Variants in PLXNA4 observed in about 807,000 individuals in gnomAD.
The protein encoded by PLXNA4 is plexin-A4.
PLXNA4 carries 44 observed loss-of-function variants against 191.8 expected under a neutral mutation model. The ratio of observed to expected loss-of-function variants is 0.23; its 90% confidence interval spans 0.18 to 0.29. The LOEUF (loss-of-function observed/expected upper bound fraction) is 0.29, where lower values mean the gene tolerates loss of function less well. Ranked by LOEUF, PLXNA4 falls within the 10% of genes least tolerant of loss-of-function variation. The probability of loss-of-function intolerance (pLI) is 1.00; values close to 1 mark genes in which losing one functional copy is unlikely to be tolerated. For missense variants in PLXNA4, 1,800 were observed against 2,488.8 expected (o/e 0.72, Z 5.89); for synonymous variants, 1,082 against 1,009.5 (o/e 1.07, Z -1.36).
At chr7:132,609,764 C>T (rs950071365) in intron 2 of PLXNA4, among the ~76,000 whole-genome samples, 4 of 152,192 alleles carry the variant, frequency 2.6e-5, no homozygotes, top group Non-Finnish European at 5.9e-5. Context: ...AAGTTCTTCC[C>T]GCTACACTGG....
intron 3 of PLXNA4, among the ~76,000 whole-genome samples, chr7:132,359,550 AT>A (rs1317506948): frequency 2.6e-5 from 4 of 152,182 alleles, no homozygotes; most frequent in African/African-American, 7.2e-5. Flanking sequence ...TGTTCACTTC[AT>A]TTGACTGTGG....
chr7:132,174,403 G>A (rs80172977), intron 21 of PLXNA4, among the ~76,000 whole-genome samples: 4,087 of 152,212 alleles, frequency 0.027, 79 homozygotes, highest in Middle Eastern at 0.065. Context: ...TACCAACTAC[G>A]TGAGTCAAAT....
intron 4 of PLXNA4, among the ~76,000 whole-genome samples, chr7:132,273,401 A>G (rs564920922): frequency 5.3e-4 from 80 of 152,224 alleles, no homozygotes; most frequent in African/African-American, 1.8e-3. Flanking sequence ...CTCCAGAATC[A>G]TATTATAGGC....
At chr7:132,419,069 G>A (rs1481329943) in intron 3 of PLXNA4, among the ~76,000 whole-genome samples, 3 of 152,238 alleles carry the variant, frequency 2.0e-5, no homozygotes, top group Admixed American at 6.5e-5. Flanking sequence ...TGGGAAGGGA[G>A]CTCTGTGTCC....
chr7:132,549,555 T>A (rs532192903), intron 1 of PLXNA4, among the ~76,000 whole-genome samples: 2 of 152,250 alleles, frequency 1.3e-5, no homozygotes, highest in South Asian at 4.1e-4. Context: ...GCTGGAACCA[T>A]CAATGCAGGA....
rs185140842 is a variant in PLXNA4, at chr7:132,601,014, T to C, written c.-87+44914A>G. ...TAATCCCATACTTCTGTTTTGACTT[T>C]CTATCTCCAGAGCTTAGCATATACT... On this transcript the variant is annotated intron_variant, in intron 2 of 4. Transcript: ENST00000378539. Among the ~76,000 whole-genome samples, 594 of 152,296 alleles carry C rather than the reference T, an allele frequency of 3.9e-3. 1 individual carries two copies. The highest frequency in any genetic ancestry group is 5.8e-3 in the Non-Finnish European group (397 of 68,010).
chr7:132,408,815 C>T (rs1290217731), intron 3 of PLXNA4, among the ~76,000 whole-genome samples: 1 of 151,976 alleles, frequency 6.6e-6, no homozygotes, highest in East Asian at 1.9e-4. Flanking sequence ...CTCCCATTAC[C>T]TCTGCAGATG....
At chr7:132,413,753 A>T (rs189566067) in intron 3 of PLXNA4, among the ~76,000 whole-genome samples, 1 of 152,246 alleles carries the variant, frequency 6.6e-6, no homozygotes, top group East Asian at 1.9e-4. Context: ...CCTACTTGTG[A>T]TGTACCTGGA....
chr7:132,399,278 A>C (rs926191908), intron 3 of PLXNA4, among the ~76,000 whole-genome samples: 9 of 152,236 alleles, frequency 5.9e-5, no homozygotes, highest in African/African-American at 1.9e-4. Flanking sequence ...ATCAGCTTGT[A>C]TGTCAGTCAA....
At chr7:132,504,503 C>T (rs1798379738) in intron 2 of PLXNA4, among the ~76,000 whole-genome samples, 1 of 152,194 alleles carries the variant, frequency 6.6e-6, no homozygotes, top group Admixed American at 6.5e-5. Flanking sequence ...GAGGAGCATT[C>T]TAATTTAGAG....
chr7:132,445,266 C>T (rs542569038), intron 3 of PLXNA4, among the ~76,000 whole-genome samples: 1 of 151,842 alleles, frequency 6.6e-6, no homozygotes, highest in South Asian at 2.1e-4. Context: ...CTGCCACCTG[C>T]TCCTCCTTCT....
chr7:132,162,270 T>G (rs1258690710), intron 24 of PLXNA4, among the ~76,000 whole-genome samples: 3 of 152,226 alleles, frequency 2.0e-5, no homozygotes, highest in African/African-American at 7.2e-5. Flanking sequence ...CTATTAAAGC[T>G]CCCTGTGGCC....
At chr7:132,143,537 G>C (rs1377246785) in intron 29 of PLXNA4, among the ~76,000 whole-genome samples, 1 of 152,192 alleles carries the variant, frequency 6.6e-6, no homozygotes, top group South Asian at 2.1e-4. Flanking sequence ...GAAGTTCTGG[G>C]CAGAGCATTT....
At chr7:132,191,606 C>T (rs752625950) in intron 14 of PLXNA4, among the ~76,000 whole-genome samples, 23 of 152,174 alleles carry the variant, frequency 1.5e-4, no homozygotes, top group Non-Finnish European at 2.8e-4. Flanking sequence ...CCAAGAACCT[C>T]AGGATGGAAA....
At chr7:132,311,156 T>TTGTGTGTGTGCGTGTG (rs1801715637) in intron 3 of PLXNA4, among the ~76,000 whole-genome samples, 1 of 132,040 alleles carries the variant, frequency 7.6e-6, no homozygotes, top group Non-Finnish European at 1.6e-5. Context: ...TCTAGGATAA[T>TTGTGTGTGTGCGTGTG]TGTGTGTGTG....
At chr7:132,545,996 T>A (rs1290372746) in intron 1 of PLXNA4, among the ~76,000 whole-genome samples, 1 of 152,232 alleles carries the variant, frequency 6.6e-6, no homozygotes, top group Non-Finnish European at 1.5e-5. Flanking sequence ...TCACCTTTGA[T>A]AACCACAATC....
At chr7:132,246,768 AATCATCATCATCATCATCATC>A (rs34617807) in intron 4 of PLXNA4, among the ~76,000 whole-genome samples, 2 of 149,880 alleles carry the variant, frequency 1.3e-5, no homozygotes, top group Non-Finnish European at 3.0e-5. Flanking sequence ...TTGTACATGC[AATCATCATCATCATCATCATC>A]ATCATCATCA....
chr7:132,616,632 T>C (rs75448744), intron 2 of PLXNA4, among the ~76,000 whole-genome samples: 3,763 of 152,280 alleles, frequency 0.025, 133 homozygotes, highest in African/African-American at 0.085. Flanking sequence ...CAAATAGACA[T>C]TATAGTAGAT....
At chr7:132,324,082 C>G (rs1802274254) in intron 3 of PLXNA4, among the ~76,000 whole-genome samples, 1 of 152,100 alleles carries the variant, frequency 6.6e-6, no homozygotes, top group Non-Finnish European at 1.5e-5. Flanking sequence ...AAAAATTAGG[C>G]TCTATCTAAA....
Sources: gnomAD v4.1 joint callset for allele counts (sites outside exome capture counted in the v4.1 genomes callset) on GRCh38, gnomAD v4.1.1 for gene constraint, MANE v1.5 for transcripts, NCBI Gene and HGNC (gene_info 2026-07-23, HGNC 2026-07-21) for gene names.